The following DEPDC7 variants were observed in gnomAD, a reference collection of about 807,000 sequenced individuals.
DEPDC7 encodes the protein DEP domain-containing protein 7.
Under a neutral mutation model 56.6 loss-of-function variants are expected in DEPDC7, and 41 were observed. The observed-to-expected ratio is 0.72, with a 90% CI of 0.56 to 0.94. DEPDC7 has a LOEUF of 0.94. DEPDC7 is among the 40% of genes least tolerant of loss of function. The pLI is 0.00. For missense variants in DEPDC7, 522 were observed against 596.3 expected (o/e 0.88, Z 1.30); for synonymous variants, 185 against 208.8 (o/e 0.89, Z 0.98).
intron 1 of DEPDC7, among the ~76,000 whole-genome samples, chr11:33,018,917 C>T (rs574773150): frequency 7.9e-5 from 12 of 152,202 alleles, no homozygotes; most frequent in East Asian, 1.9e-4. Context: ...GGACATTTTG[C>T]GAGACACATT....
chr11:33,018,211 T>C (rs1264278199), intron 1 of DEPDC7, among the ~76,000 whole-genome samples: 1 of 152,198 alleles, frequency 6.6e-6, no homozygotes. Flanking sequence ...AATCTTGGGA[T>C]CATAGTATAG....
At chr11:33,029,448 T>C (rs1307159871) in intron 4 of DEPDC7, among the ~76,000 whole-genome samples, 4 of 145,044 alleles carry the variant, frequency 2.8e-5, no homozygotes, top group Non-Finnish European at 5.9e-5. Flanking sequence ...GCTGAGATCA[T>C]GTTGCTGCAT....
intron 1 of DEPDC7, among the ~76,000 whole-genome samples, chr11:33,025,198 C>A (rs778368033): frequency 6.6e-6 from 1 of 152,094 alleles, no homozygotes; most frequent in Non-Finnish European, 1.5e-5. Context: ...AGCACACTCC[C>A]ACCTCAGGGC....
intron 2 of DEPDC7, among the ~76,000 whole-genome samples, chr11:33,027,380 A>G (rs1184594385): frequency 6.6e-6 from 1 of 152,220 alleles, no homozygotes; most frequent in Non-Finnish European, 1.5e-5. Flanking sequence ...TGCCCCACAA[A>G]AAGATAACTG....
intron 6 of DEPDC7, 91 bp from the exon 7 acceptor site, chr11:33,032,577 G>A (rs1853644349): frequency 7.4e-7 from 1 of 1,347,358 alleles, no homozygotes; most frequent in African/African-American, 1.5e-5. Flanking sequence ...ATGCTGAAAT[G>A]TATAATAGCT....
At position 33,027,716 on chromosome 11, in the gene DEPDC7, T is replaced by C. The variant is rs753759889; in HGVS notation, c.495T>C (p.Asp165=). The C allele has an allele frequency of 1.3e-6, 2 of 1,556,870 alleles. No individual in the cohort carries two copies. The highest frequency in any genetic ancestry group is 2.5e-5 in the South Asian group (2 of 80,918). The part of the protein sequence containing the change: ...RYADALFKSS[D]IRSASLEDLW... ...CAGATGCATTATTTAAGTCATCCGATATCAGATCAGCCAGTTTAGAGGACC... is the reference window on the plus strand; with the variant it reads ...CAGATGCATTATTTAAGTCATCCGACATCAGATCAGCCAGTTTAGAGGACC... The change falls in exon 3 of 9, where the codon GAT becomes GAC. Residue 165 remains aspartate, a synonymous_variant. Coordinates refer to ENST00000241051, the MANE Select transcript of DEPDC7 (RefSeq NM_001077242.2).
In DEPDC7 at chr11:33,028,671, G is replaced by A; in HGVS notation, c.661G>A (p.Asp221Asn). The A allele has an allele frequency of 6.2e-7, 1 of 1,613,762 alleles. No homozygotes were observed. The change falls in exon 4 of 9, where the codon GAC becomes AAC. Residue 221 changes from aspartate (D) to asparagine (N), a missense_variant. Coordinates refer to ENST00000241051, the MANE Select transcript of DEPDC7 (RefSeq NM_001077242.2). ...ACAACTTGTAGACCTTCCACTTCTT[G>A]ACTCCTTACTGAAACAGCAAGAGGC... ...LLQLVDLPLL[D>N]SLLKQQEAVP...
In DEPDC7 at chr11:33,031,556, T is replaced by C; in HGVS notation, c.961T>C (p.Ser321Pro). Reference sequence around the variant, plus strand: ...TAGGGAACCTCTGTTAAATCACTTATCTGACGTTCATAATGGAATTGCAGA... The same window carrying C: ...TAGGGAACCTCTGTTAAATCACTTACCTGACGTTCATAATGGAATTGCAGA... ...SSREPLLNHL[S>P]DVHNGIAELL... Residue 321 changes from serine (S) to proline (P), a missense_variant, in exon 5 of 9, where the codon TCT becomes CCT. Physicochemically the swap from Ser to Pro is moderately conservative, Grantham distance 74 (BLOSUM62 -1). Transcript: ENST00000241051. 2 of 1,613,982 alleles carry C rather than the reference T, an allele frequency of 1.2e-6. No individual in the cohort carries two copies. The highest frequency in any genetic ancestry group is 1.7e-5 in the Admixed American group (1 of 60,032).
Position 33,028,737 on chromosome 11 carries a change from G to A in DEPDC7, c.727G>A (p.Val243Ile). ...TCAACCTAAGAGGCAGTCCACCATG[G>A]TCAACAGCAGTAACTATCTGGATCG... ...IPQPKRQSTM[V>I]NSSNYLDRGI... The change falls in exon 4 of 9, where the codon GTC becomes ATC. Residue 243 changes from valine to isoleucine, a missense_variant. Physicochemically the swap from Val to Ile is conservative, Grantham distance 29. Transcript: ENST00000241051. 4 of 1,613,712 alleles carry A rather than the reference G, an allele frequency of 2.5e-6. No individual in the cohort carries two copies. Among genetic ancestry groups the A allele is most frequent in the Non-Finnish European group, 3.4e-6 (4 of 1,179,948 alleles).
rs979882204 is a variant in DEPDC7, at chr11:33,027,912, G to T, written c.592+99G>T. 4.7e-6 allele frequency: 6 copies of T among 1,270,644 alleles called. No homozygotes were observed. The East Asian group carries it at 1.4e-4, about 30-fold the overall frequency. The allele number at this position is 1,270,644 out of a possible 1,614,324, so 78.7% of individuals were successfully genotyped here. On this transcript the variant is annotated intron_variant, in intron 3 of 8. Transcript: ENST00000241051. ...CTTTATTAGATTTTAAATATTCAAA[G>T]TACAGAGAAAGAGTGCACTATGTAT...
intron 1 of DEPDC7, among the ~76,000 whole-genome samples, chr11:33,022,203 G>A (rs764045067): frequency 6.6e-6 from 1 of 152,166 alleles, no homozygotes; most frequent in Non-Finnish European, 1.5e-5. Flanking sequence ...ATTTATTACA[G>A]AATTTATGAT....
intron 1 of DEPDC7, among the ~76,000 whole-genome samples, chr11:33,024,103 C>G (rs1487531363): frequency 2.0e-5 from 3 of 152,190 alleles, no homozygotes; most frequent in Non-Finnish European, 4.4e-5. Flanking sequence ...AGCCAGCCAC[C>G]AAGTGAGTGA....
In DEPDC7 at chr11:33,025,515, C is replaced by T. The variant is rs780288746; in HGVS notation, c.74-144C>T. The T allele has an allele frequency of 5.1e-4, 380 of 741,582 alleles. 2 individuals carry two copies. The highest frequency in any genetic ancestry group is 7.1e-4 in the Non-Finnish European group (327 of 459,834). 45.9% of individuals were successfully genotyped at this position (741,582 alleles called of 1,614,324 possible). ...ATTTTTAAATGAATCGCTATTAAAACAGTATTTCAGTAAGCTACCCTCATA... is the reference window on the plus strand; with the variant it reads ...ATTTTTAAATGAATCGCTATTAAAATAGTATTTCAGTAAGCTACCCTCATA... On this transcript the variant is annotated intron_variant, in intron 1 of 8. Coordinates refer to ENST00000241051, the MANE Select transcript of DEPDC7 (RefSeq NM_001077242.2).
intron 1 of DEPDC7, among the ~76,000 whole-genome samples, chr11:33,024,448 G>T (rs142260268): frequency 6.6e-6 from 1 of 152,102 alleles, no homozygotes; most frequent in Admixed American, 6.6e-5. Context: ...GTGTGTGTGT[G>T]TATACAATCA....
chr11:33,031,687 G>A, intron 5 of DEPDC7, 98 bp downstream of exon 5: 2 of 928,690 alleles, frequency 2.2e-6, no homozygotes, highest in Non-Finnish European at 3.3e-6. Context: ...CTACAAGCTG[G>A]GAGTGGATCT....
At chr11:33,032,628 T>C (rs772821416) in intron 6 of DEPDC7, 40 bp from the exon 7 acceptor site, 2 of 1,417,688 alleles carry the variant, frequency 1.4e-6, no homozygotes, top group Admixed American at 4.6e-5. Context: ...ACTTGTCTCT[T>C]AAATATATAC....
chr11:33,027,490 A>G (rs1884925), intron 2 of DEPDC7, among the ~76,000 whole-genome samples, 196 bp from the exon 3 acceptor site: 61,020 of 152,060 alleles, frequency 0.4, 12,421 homozygotes, highest in East Asian at 0.45. Context: ...CTAAGAAAAT[A>G]TTCAAAGGAG....
In DEPDC7 at chr11:33,022,199, T is replaced by C. The variant is rs566575216; in HGVS notation, c.74-3460T>C. Among the ~76,000 whole-genome samples, 8 of 152,364 alleles carry C rather than the reference T, an allele frequency of 5.3e-5. No homozygotes were observed. In the South Asian group the frequency reaches 6.2e-4, roughly 12 times the overall value. On this transcript the variant is annotated intron_variant, in intron 1 of 8. Transcript: ENST00000241051. ...CCCTGTGTACTGTGGTAGTATTTATTACAGAATTTATGATATCCTGCCTTA... is the reference window on the plus strand; with the variant it reads ...CCCTGTGTACTGTGGTAGTATTTATCACAGAATTTATGATATCCTGCCTTA...
At chr11:33,033,044 T>A in intron 8 of DEPDC7, 77 bp downstream of exon 8, 1 of 1,208,172 alleles carries the variant, frequency 8.3e-7, no homozygotes, top group Non-Finnish European at 1.2e-6. Flanking sequence ...TTGCTATAAG[T>A]AGTTGGACTT....
Sources: allele counts gnomAD v4.1 joint callset (sites outside exome capture counted in the v4.1 genomes callset), GRCh38; gene constraint gnomAD v4.1.1; transcripts MANE v1.5; gene names NCBI Gene and HGNC (gene_info 2026-07-23, HGNC 2026-07-21).